RYK: variants seen among roughly 807,000 people sequenced by gnomAD.
RYK encodes receptor like tyrosine kinase, also known as inactive tyrosine-protein kinase RYK.
Under a neutral mutation model 70.2 loss-of-function variants are expected in RYK, and 21 were observed. That is an observed-to-expected ratio of 0.30 (90% CI 0.21 to 0.43). The LOEUF is 0.43. RYK is among the 20% of genes least tolerant of loss of function. RYK has a pLI of 1.00. For missense variants in RYK, 604 were observed against 753.3 expected (o/e 0.80, Z 2.32); for synonymous variants, 267 against 278.0 (o/e 0.96, Z 0.39).
At chr3:134,162,226 C>A (rs2012498757) in intron 13 of RYK, among the ~76,000 whole-genome samples, 3 of 145,916 alleles carry the variant, frequency 2.1e-5, no homozygotes. Flanking sequence ...GGGGTTAGGG[C>A]TTCAACCATT....
At chr3:134,160,014 G>A (rs2108137749) in intron 13 of RYK, among the ~76,000 whole-genome samples, 1 of 152,184 alleles carries the variant, frequency 6.6e-6, no homozygotes. Flanking sequence ...GCGTGCAGGG[G>A]GCGGGGGGCA....
intron 1 of RYK, among the ~76,000 whole-genome samples, chr3:134,245,144 C>T (rs2015430973): frequency 6.6e-6 from 1 of 152,168 alleles, no homozygotes; most frequent in African/African-American, 2.4e-5. Context: ...AATGACAGTA[C>T]ATAACACAGG....
At chr3:134,171,725 C>T (rs114639194) in intron 13 of RYK, among the ~76,000 whole-genome samples, 1,600 of 152,104 alleles carry the variant, frequency 0.011, 34 homozygotes, top group African/African-American at 0.036. Context: ...GAATTAGCCA[C>T]GTGTGGTGGC....
chr3:134,192,657 G>A (rs2013682508), intron 7 of RYK, among the ~76,000 whole-genome samples: 4 of 152,082 alleles, frequency 2.6e-5, no homozygotes, highest in African/African-American at 9.7e-5. Flanking sequence ...GAAAAAAAAT[G>A]TTAGAATAAA....
rs116109680 is a variant in RYK, at chr3:134,218,644, A to C, written c.354+3774T>G. Among the ~76,000 whole-genome samples, 487 of 152,310 alleles carry C rather than the reference A, an allele frequency of 3.2e-3. 3 individuals are homozygous for C. The highest frequency in any genetic ancestry group is 0.011 in the African/African-American group (471 of 41,554). On this transcript the variant is annotated intron_variant, in intron 2 of 14. Transcript: ENST00000623711. ...CAAAAATGACACTAAATGACTGGCT[A>C]GATAGGAGGCAGAAAAGAAAGGCCG...
At chr3:134,211,634 A>T (rs1274847090) in intron 2 of RYK, 27 bp from the exon 3 acceptor site, 12 of 1,485,430 alleles carry the variant, frequency 8.1e-6, no homozygotes, top group Non-Finnish European at 1.1e-5. Context: ...AATAAACAAA[A>T]TGGACCTGTG....
intron 2 of RYK, among the ~76,000 whole-genome samples, chr3:134,218,596 C>T (rs1283454083): frequency 2.0e-5 from 3 of 152,094 alleles, no homozygotes; most frequent in African/African-American, 4.8e-5. Context: ...GGTCACAGGG[C>T]ATTCATGAAA....
intron 6 of RYK, among the ~76,000 whole-genome samples, chr3:134,201,632 T>A (rs994535482): frequency 6.6e-6 from 1 of 152,084 alleles, no homozygotes; most frequent in African/African-American, 2.4e-5. Context: ...ACGGACCAAG[T>A]TTGGACTGGT....
At chr3:134,165,096 T>C (rs995393799) in intron 13 of RYK, among the ~76,000 whole-genome samples, 1 of 152,240 alleles carries the variant, frequency 6.6e-6, no homozygotes, top group Non-Finnish European at 1.5e-5. Flanking sequence ...AGCAATGTAT[T>C]GTATAGCTCT....
At chr3:134,203,005 T>G in intron 5 of RYK, 131 bp from the exon 6 acceptor site, 2 of 698,730 alleles carry the variant, frequency 2.9e-6, no homozygotes, top group Non-Finnish European at 4.7e-6. Context: ...CAGTAGCATA[T>G]TGGTGGAAGT....
At chr3:134,242,321 A>G (rs1187813607) in intron 1 of RYK, among the ~76,000 whole-genome samples, 2 of 151,852 alleles carry the variant, frequency 1.3e-5, no homozygotes, top group Admixed American at 1.3e-4. Context: ...AAAAAAAAAG[A>G]TAAGAATGAG....
In RYK at chr3:134,233,056, T is replaced by C. The variant is rs900551809; in HGVS notation, c.233-10517A>G. Among the ~76,000 whole-genome samples the C allele has an allele frequency of 3.9e-5, 6 of 152,368 alleles. 1 individual carries two copies. Among genetic ancestry groups the C allele is most frequent in the Admixed American group, 6.5e-5 (1 of 15,310 alleles). On this transcript the variant is annotated intron_variant, in intron 1 of 14. Coordinates refer to ENST00000623711, the MANE Select transcript of RYK (RefSeq NM_002958.4). ...GCACTTACTCTGGTGCCCACCTTTA[T>C]GGCAACCACATTGGCTAAGAAAATG...
In RYK at chr3:134,191,987, C is replaced by A. The variant is rs1400989591; in HGVS notation, c.890-13G>T. 3 of 1,612,092 alleles carry A rather than the reference C, an allele frequency of 1.9e-6. No homozygotes were observed. Among genetic ancestry groups the A allele is most frequent in the East Asian group, 2.2e-5 (1 of 44,812 alleles). ...AAGGTAGGATAACCTAAGGAGCCAA[C>A]AAAGCCAAACCAAGCAATATAAATA... On this transcript the variant is annotated splice_polypyrimidine_tract_variant and intron_variant, in intron 7 of 14. Transcript: ENST00000623711.
At position 134,236,024 on chromosome 3, in the gene RYK, C is replaced by T. The variant is rs145609488; in HGVS notation, c.233-13485G>A. Among the ~76,000 whole-genome samples, 7 of 151,830 alleles carry T rather than the reference C, an allele frequency of 4.6e-5. No homozygotes were observed. The East Asian group carries it at 1.4e-3, about 29-fold the overall frequency. On this transcript the variant is annotated intron_variant, in intron 1 of 14. Transcript: ENST00000623711. ...GCCTTATTTGGGAAAAAAAAGAAAA[C>T]TGGGAACTGGGACACCCGCATGGTC...
intron 1 of RYK, among the ~76,000 whole-genome samples, chr3:134,242,901 C>T (rs2015363999): frequency 6.6e-6 from 1 of 152,176 alleles, no homozygotes; most frequent in Non-Finnish European, 1.5e-5. Flanking sequence ...ATGTCTCTGC[C>T]TGTCTCCCAA....
chr3:134,243,219 A>C (rs1451963264), intron 1 of RYK, among the ~76,000 whole-genome samples: 1 of 152,134 alleles, frequency 6.6e-6, no homozygotes, highest in East Asian at 1.9e-4. Context: ...CCAAATCTGA[A>C]ACCCTAGATT....
At chr3:134,205,767 A>G (rs1221775154) in intron 5 of RYK, among the ~76,000 whole-genome samples, 3 of 152,176 alleles carry the variant, frequency 2.0e-5, no homozygotes, top group Admixed American at 6.5e-5. Flanking sequence ...TTGCCTTATC[A>G]TAGCTTGCCA....
At chr3:134,231,285 T>A (rs2015052453) in intron 1 of RYK, among the ~76,000 whole-genome samples, 1 of 152,048 alleles carries the variant, frequency 6.6e-6, no homozygotes, top group Non-Finnish European at 1.5e-5. Flanking sequence ...ACTAGAAATT[T>A]TATCTTATCT....
chr3:134,245,593 G>T (rs1354687612), intron 1 of RYK, among the ~76,000 whole-genome samples: 1 of 152,070 alleles, frequency 6.6e-6, no homozygotes, highest in Non-Finnish European at 1.5e-5. Context: ...CGAAAGAGGT[G>T]TTCAAAGCTT....
Sources: allele counts gnomAD v4.1 joint callset (sites outside exome capture counted in the v4.1 genomes callset), GRCh38; gene constraint gnomAD v4.1.1; transcripts MANE v1.5; gene names NCBI Gene and HGNC (gene_info 2026-07-23, HGNC 2026-07-21).